The following EXOC6B variants were observed in gnomAD, a reference collection of about 807,000 sequenced individuals.
EXOC6B encodes SEC15 homolog B.
Under a neutral mutation model 113.5 loss-of-function variants are expected in EXOC6B, and 54 were observed. The observed-to-expected ratio is 0.48, with a 90% confidence interval of 0.38 to 0.60. The LOEUF is 0.60. Among genes scored for constraint, EXOC6B ranks in the 20% least tolerant of loss-of-function variants. The pLI, the probability that EXOC6B is intolerant of heterozygous loss-of-function variation, is 0.00. For missense variants in EXOC6B, 797 were observed against 977.5 expected (o/e 0.82, Z 2.46); for synonymous variants, 357 against 339.0 (o/e 1.05, Z -0.58).
chr2:72,408,269 T>A (rs1210825315), intron 18 of EXOC6B, among the ~76,000 whole-genome samples: 1 of 152,102 alleles, frequency 6.6e-6, no homozygotes, highest in Non-Finnish European at 1.5e-5. Context: ...AGAATCAATA[T>A]CGTGAAAATG....
intron 20 of EXOC6B, among the ~76,000 whole-genome samples, chr2:72,277,452 G>A (rs1684867436): frequency 6.6e-6 from 1 of 151,832 alleles, no homozygotes; most frequent in South Asian, 2.1e-4. Flanking sequence ...TTCAAAGCTA[G>A]TAAGATATGG....
rs1699933270 is a variant in EXOC6B at position 72,494,590 on chromosome 2, T to C, written c.1553+840A>G. On this transcript the variant is annotated intron_variant, in intron 15 of 21. Transcript: ENST00000272427. ...CCATGCTTTCCATTCATTTCATACA[T>C]ACACTCATTAAAAAAAATTTTCCGA... Among the ~76,000 whole-genome samples the C allele has an allele frequency of 2.0e-5, 3 of 152,080 alleles. No homozygotes were observed. In the South Asian group the frequency reaches 6.2e-4, roughly 32 times the overall value.
At chr2:72,471,971 T>C (rs958913429) in intron 17 of EXOC6B, among the ~76,000 whole-genome samples, 12 of 152,206 alleles carry the variant, frequency 7.9e-5, no homozygotes, top group African/African-American at 2.7e-4. Flanking sequence ...CTGCATCTAT[T>C]AAGATGACCA....
intron 20 of EXOC6B, among the ~76,000 whole-genome samples, chr2:72,234,104 T>TA (rs1489662720): frequency 4.7e-5 from 7 of 147,632 alleles, no homozygotes; most frequent in African/African-American, 1.5e-4. Flanking sequence ...TTTTTTTTTT[T>TA]AAGACAGAGT....
At chr2:72,455,068 A>G (rs574256075) in intron 18 of EXOC6B, among the ~76,000 whole-genome samples, 1 of 152,340 alleles carries the variant, frequency 6.6e-6, no homozygotes, top group East Asian at 1.9e-4. Flanking sequence ...AAACGAAAAA[A>G]AAAAATCTTG....
intron 19 of EXOC6B, among the ~76,000 whole-genome samples, chr2:72,365,693 T>A (rs1324458997): frequency 6.6e-6 from 1 of 152,178 alleles, no homozygotes; most frequent in Non-Finnish European, 1.5e-5. Flanking sequence ...GGTGGAGTAC[T>A]AATTTGTGTT....
At chr2:72,558,959 CTGTGTATCTA>C (rs1703731699) in intron 8 of EXOC6B, among the ~76,000 whole-genome samples, 1 of 152,106 alleles carries the variant, frequency 6.6e-6, no homozygotes, top group African/African-American at 2.4e-5. Flanking sequence ...GACTTACTTT[CTGTGTATCTA>C]TGTGTCTGCA....
At chr2:72,590,500 C>CA (rs1276655840) in intron 6 of EXOC6B, among the ~76,000 whole-genome samples, 4 of 151,812 alleles carry the variant, frequency 2.6e-5, no homozygotes, top group Non-Finnish European at 4.4e-5. Flanking sequence ...CAAAAAATGG[C>CA]AAAAAACTAA....
chr2:72,647,251 C>G (rs763321325), intron 6 of EXOC6B, among the ~76,000 whole-genome samples: 1 of 152,086 alleles, frequency 6.6e-6, no homozygotes, highest in Non-Finnish European at 1.5e-5. Flanking sequence ...AGGAGAACTA[C>G]AAACCACTGC....
intron 1 of EXOC6B, among the ~76,000 whole-genome samples, chr2:72,799,646 G>T (rs904530292): frequency 6.6e-6 from 1 of 152,124 alleles, no homozygotes; most frequent in Non-Finnish European, 1.5e-5. Flanking sequence ...GAAACTGTAT[G>T]TTTTTAAATG....
chr2:72,514,831 A>G (rs1418840622), intron 9 of EXOC6B, among the ~76,000 whole-genome samples, 151 bp from the exon 10 acceptor site: 1 of 151,960 alleles, frequency 6.6e-6, no homozygotes, highest in Non-Finnish European at 1.5e-5. Flanking sequence ...TGAAGAGGAA[A>G]TATGACAGCA....
intron 18 of EXOC6B, among the ~76,000 whole-genome samples, chr2:72,398,745 C>T (rs1436308264): frequency 1.3e-5 from 2 of 148,796 alleles, no homozygotes; most frequent in East Asian, 2.0e-4. Flanking sequence ...CACACACACA[C>T]ACACACACAC....
At position 72,334,940 on chromosome 2, in the gene EXOC6B, G is replaced by T; in HGVS notation, c.2196+7C>A. 6.2e-7 allele frequency: 1 copy of T among 1,612,772 alleles called. No individual in the cohort carries two copies. The highest frequency in any genetic ancestry group is 8.5e-7 in the Non-Finnish European group (1 of 1,179,142). On this transcript the variant is annotated splice_region_variant and intron_variant, in intron 20 of 21. Transcript: ENST00000272427. ...GAAAAACAAAAAACAAAAACACAAAGACTTACTTGTCTCAAGTCGATGAAG... is the reference window on the plus strand; with the variant it reads ...GAAAAACAAAAAACAAAAACACAAATACTTACTTGTCTCAAGTCGATGAAG...
At chr2:72,758,427 T>C (rs1379341642) in intron 1 of EXOC6B, among the ~76,000 whole-genome samples, 1 of 151,800 alleles carries the variant, frequency 6.6e-6, no homozygotes, top group East Asian at 1.9e-4. Flanking sequence ...CTAGTCCACT[T>C]ACAAGATATG....
chr2:72,711,091 TG>T (rs987693346), intron 6 of EXOC6B, among the ~76,000 whole-genome samples: 4 of 152,302 alleles, frequency 2.6e-5, no homozygotes, highest in Non-Finnish European at 4.4e-5. Context: ...TCTTCTCTCC[TG>T]TACAAATCAA....
chr2:72,204,774 T>C (rs766767794), intron 20 of EXOC6B, among the ~76,000 whole-genome samples: 2 of 152,056 alleles, frequency 1.3e-5, no homozygotes, highest in African/African-American at 4.8e-5. Context: ...CTCTTCTTCT[T>C]TGGGAGAGGA....
At chr2:72,705,561 A>G (rs985637221) in intron 6 of EXOC6B, among the ~76,000 whole-genome samples, 2 of 152,206 alleles carry the variant, frequency 1.3e-5, no homozygotes, top group Non-Finnish European at 2.9e-5. Flanking sequence ...CTACACACAG[A>G]GAGCTCAATG....
intron 6 of EXOC6B, among the ~76,000 whole-genome samples, chr2:72,635,931 CA>C (rs1672785949): frequency 6.6e-6 from 1 of 152,092 alleles, no homozygotes; most frequent in Non-Finnish European, 1.5e-5. Flanking sequence ...ATCATATTAA[CA>C]GACTAAAGAT....
chr2:72,474,323 G>A (rs1398353651), intron 17 of EXOC6B, among the ~76,000 whole-genome samples: 2 of 152,032 alleles, frequency 1.3e-5, no homozygotes, highest in African/African-American at 4.8e-5. Context: ...TTGGACTTGA[G>A]AAATTTTCAT....
Sources: gnomAD v4.1 joint callset for allele counts (sites outside exome capture counted in the v4.1 genomes callset) on GRCh38, gnomAD v4.1.1 for gene constraint, MANE v1.5 for transcripts, NCBI Gene and HGNC (gene_info 2026-07-23, HGNC 2026-07-21) for gene names.